Variants in PLAGL1 observed in about 807,000 individuals in gnomAD.
PLAGL1 encodes the protein PLAG1 like zinc finger 1, also known as zinc finger protein PLAGL1.
PLAGL1 carries 1 observed loss-of-function variant against 4.6 expected under a neutral mutation model. That is an observed-to-expected ratio of 0.22 (90% confidence interval 0.08 to 1.03). The LOEUF (loss-of-function observed/expected upper bound fraction) is 1.03. Ranked by LOEUF, PLAGL1 falls within the 50% of genes least tolerant of loss-of-function variation. The pLI is 0.58. For synonymous variants in PLAGL1, 240 were observed against 237.8 expected, an observed-to-expected ratio of 1.01 and a Z score of -0.08; for missense variants, 464 against 570.4, an observed-to-expected ratio of 0.81 and a Z score of 1.90.
At chr6:144,013,318 G>A (rs941848383), upstream of PLAGL1, among the ~76,000 whole-genome samples, 3 of 152,116 alleles carry the variant, frequency 2.0e-5, no homozygotes, top group Admixed American at 6.5e-5. This position sits in a 1 kb window ranked among gnomAD's most constrained non-coding sequence, Gnocchi z 4.4. Context: ...TACCACATGG[G>A]CAGACAATCA....
In PLAGL1 at chr6:143,968,299, A is replaced by G. The variant is rs568380770; in HGVS notation, c.-472+608T>C. On this transcript the variant is annotated intron_variant, in intron 3 of 7. Coordinates refer to ENST00000674357, the MANE Select transcript of PLAGL1 (RefSeq NM_001317162.2). The surrounding 1 kb of genome is among the most constrained non-coding windows in gnomAD (Gnocchi z 6.3). ...ACCCTGCCAACCATGAATTCCCTCA[A>G]ATAAACACTGGTTGAGTGACATAAC... is the stretch of plus-strand genomic sequence containing the variant. 1 of 152,208 alleles carries G rather than the reference A, an allele frequency of 6.6e-6. No individual in the cohort carries two copies. The highest frequency in any genetic ancestry group is 1.5e-5 in the Non-Finnish European group (1 of 68,040). The allele number at this position is 152,208 out of a possible 1,614,324, so 9.4% of individuals were successfully genotyped here.
rs1318558498 is a variant in PLAGL1, at chr6:144,063,867, C to T, written c.-151+601G>A. Among the ~76,000 whole-genome samples, 1 of 152,196 alleles carries T rather than the reference C, an allele frequency of 6.6e-6. No homozygotes were observed. The highest frequency in any genetic ancestry group is 1.5e-5 in the Non-Finnish European group (1 of 68,030). On this transcript the variant is annotated intron_variant, in intron 1 of 3. Coordinates refer to the PLAGL1 transcript ENST00000437412. The surrounding 1 kb of genome is among the most constrained non-coding windows in gnomAD (Gnocchi z 5.7). ...ATTATCCCGCGCGCCGCCGGTAATCCGGGGTGACGCCACGGCCCAGGTCTC... is the reference window on the plus strand; with the variant it reads ...ATTATCCCGCGCGCCGCCGGTAATCTGGGGTGACGCCACGGCCCAGGTCTC...
intron 1 of PLAGL1, among the ~76,000 whole-genome samples, chr6:144,029,829 G>A (rs1191098985): frequency 1.3e-5 from 2 of 152,132 alleles, no homozygotes; most frequent in African/African-American, 2.4e-5. Context: ...GTATAAACAC[G>A]TGCACTGTTT....
rs936550289 is a variant in PLAGL1 at position 143,949,574 on chromosome 6, G to A, written c.-324-1114C>T. On this transcript the variant is annotated intron_variant, in intron 6 of 7. Coordinates refer to ENST00000674357, the MANE Select transcript of PLAGL1 (RefSeq NM_001317162.2). The surrounding 1 kb of genome is among the most constrained non-coding windows in gnomAD (Gnocchi z 5.3). ...CCACTACCTGCCAGGGTAAAGCCCT[G>A]GATCACTACCACCCTGTGCTATTCT... Among the ~76,000 whole-genome samples, 4 of 152,162 alleles carry A rather than the reference G, an allele frequency of 2.6e-5. No individual in the cohort carries two copies. Among genetic ancestry groups the A allele is most frequent in the East Asian group, 1.9e-4 (1 of 5,196 alleles).
chr6:143,959,079 TGCTCTGC>T lies in PLAGL1; in HGVS notation c.-325+1383_-325+1389del, dbSNP rs1247650563. ...TCATCCGCAGGCAGCTTTCATGTGC[TGCTCTGC>T]GCTCCCCGTCGCCCCGGAGGCCGGC... On this transcript the variant is annotated intron_variant, in intron 6 of 7. Transcript: ENST00000674357. This position sits in a 1 kb window ranked among gnomAD's most constrained non-coding sequence, Gnocchi z 5.3. Among the ~76,000 whole-genome samples, 1 of 152,232 alleles carries T rather than the reference TGCTCTGC, an allele frequency of 6.6e-6. No individual in the cohort carries two copies. Among genetic ancestry groups the T allele is most frequent in the Non-Finnish European group, 1.5e-5 (1 of 68,022 alleles).
chr6:143,941,583 C>A lies in PLAGL1; in HGVS notation c.1233G>T (p.Leu411Phe). Reference protein sequence around the residue: ...STLALGPGESLPHRLSCLGQQ... With the variant: ...STLALGPGESFPHRLSCLGQQ... ...GCCCCAGACAGCTTAACCTGTGGGG[C>A]AAAGATTCCCCAGGCCCCAGGGCAA... is the stretch of plus-strand genomic sequence containing the variant. Residue 411 changes from leucine to phenylalanine, a missense_variant, in exon 8 of 8, where the codon TTG becomes TTT. Around this residue, in one of 4 missense-constraint regions of PLAGL1, gnomAD observed 248 missense variants for 250.1 expected, o/e 0.99. Coordinates refer to ENST00000674357, the MANE Select transcript of PLAGL1 (RefSeq NM_001317162.2). This position sits in a 1 kb window ranked among gnomAD's most constrained non-coding sequence, Gnocchi z 6.0. The A allele has an allele frequency of 6.2e-7, 1 of 1,606,258 alleles. No individual in the cohort carries two copies. The highest frequency in any genetic ancestry group is 1.7e-5 in the Admixed American group (1 of 59,568).
At chr6:143,991,552 C>T (rs1248195525) in intron 1 of PLAGL1, among the ~76,000 whole-genome samples, 1 of 152,202 alleles carries the variant, frequency 6.6e-6, no homozygotes, top group South Asian at 2.1e-4. Context: ...ACATTGCACT[C>T]GCTCAGCACT....
rs1045744488 is a variant in PLAGL1, at chr6:143,959,482, T to C, written c.-325+987A>G. Reference sequence around the variant, plus strand: ...GAACTGCTAGGTCCTAGTAGATATGTTGGCCCTGTTGGGATTAATTTCAAT... The same window carrying C: ...GAACTGCTAGGTCCTAGTAGATATGCTGGCCCTGTTGGGATTAATTTCAAT... On this transcript the variant is annotated intron_variant, in intron 6 of 7. Coordinates refer to ENST00000674357, the MANE Select transcript of PLAGL1 (RefSeq NM_001317162.2). The surrounding 1 kb of genome is among the most constrained non-coding windows in gnomAD (Gnocchi z 5.3). 5.9e-5 allele frequency among the ~76,000 whole-genome samples: 9 copies of C among 152,118 alleles called. No homozygotes were observed. The highest frequency in any genetic ancestry group is 1.2e-4 in the Non-Finnish European group (8 of 68,022).
rs182383104 is a variant in PLAGL1, at chr6:144,063,050, A to G, written c.-151+1418T>C. Among the ~76,000 whole-genome samples the G allele has an allele frequency of 4.4e-3, 673 of 152,286 alleles. 6 individuals carry two copies. The highest frequency in any genetic ancestry group is 0.015 in the African/African-American group (637 of 41,544). On this transcript the variant is annotated intron_variant, in intron 1 of 3. Coordinates refer to the PLAGL1 transcript ENST00000437412. This position sits in a 1 kb window ranked among gnomAD's most constrained non-coding sequence, Gnocchi z 5.7. ...GACAATTTTCTGAGTTACAGTTTACACCAACGTTGTCACAGAGTTGATCAC... is the reference window on the plus strand; with the variant it reads ...GACAATTTTCTGAGTTACAGTTTACGCCAACGTTGTCACAGAGTTGATCAC...
rs575161932 is a variant in PLAGL1, at chr6:144,006,983, T to C, written c.-584+1107A>G. 4 of 152,290 alleles carry C rather than the reference T, an allele frequency of 2.6e-5. No homozygotes were observed. Among genetic ancestry groups the C allele is most frequent in the African/African-American group, 9.6e-5 (4 of 41,568 alleles). 9.4% of individuals were successfully genotyped at this position (152,290 alleles called of 1,614,324 possible). On this transcript the variant is annotated intron_variant, in intron 1 of 7. Transcript: ENST00000674357. This position sits in a 1 kb window ranked among gnomAD's most constrained non-coding sequence, Gnocchi z 4.3. ...TTCTGATCATCCATTTAAATGACTT[T>C]ACGACCCACTAAAATGGACTTCAAA...
chr6:143,976,481 C>G (rs1038813089), intron 2 of PLAGL1, among the ~76,000 whole-genome samples: 1 of 151,910 alleles, frequency 6.6e-6, no homozygotes, highest in African/African-American at 2.4e-5. Context: ...ACCTAAGGCA[C>G]CTTCTCATTC....
At position 143,942,414 on chromosome 6, in the gene PLAGL1, C is replaced by A. The variant is rs763488544; in HGVS notation, c.402G>T (p.Val134=). The A allele has an allele frequency of 2.1e-5, 34 of 1,614,170 alleles. No homozygotes were observed. Among genetic ancestry groups the A allele is most frequent in the South Asian group, 2.0e-4 (18 of 91,088 alleles). Residue 134 remains valine (V), a synonymous_variant, in exon 8 of 8, where the codon GTG becomes GTT. Coordinates refer to ENST00000674357, the MANE Select transcript of PLAGL1 (RefSeq NM_001317162.2). This position sits in a 1 kb window ranked among gnomAD's most constrained non-coding sequence, Gnocchi z 7.6. ...CATGGGCTTTGAGGTGGTCCAGTAG[C>A]ACCTCGGTGCTCCCTAGCTCCAGGG... is the stretch of plus-strand genomic sequence containing the variant. ...VCALELGSTE[V]LLDHLKAHAE... is the part of the protein sequence containing the mutation.
chr6:143,999,220 T>A (rs958806559), intron 1 of PLAGL1, among the ~76,000 whole-genome samples: 7 of 152,128 alleles, frequency 4.6e-5, no homozygotes, highest in Non-Finnish European at 7.4e-5. Context: ...TTAAAAAAAA[T>A]GATCACTGAG....
chr6:144,045,859 C>T (rs1334127860), intron 1 of PLAGL1, among the ~76,000 whole-genome samples: 1 of 152,134 alleles, frequency 6.6e-6, no homozygotes, highest in Non-Finnish European at 1.5e-5. Context: ...TCACATAGTC[C>T]CATATTTCTT....
Position 143,984,075 on chromosome 6 carries a change from G to A in PLAGL1, c.-544+1060C>T, listed in dbSNP as rs568968548. On this transcript the variant is annotated intron_variant, in intron 2 of 7. Coordinates refer to ENST00000674357, the MANE Select transcript of PLAGL1 (RefSeq NM_001317162.2). This position sits in a 1 kb window ranked among gnomAD's most constrained non-coding sequence, Gnocchi z 5.5. Reference sequence around the variant, plus strand: ...TACTTTCCAGATTTTAAATTTTTATGTTGTCTTATAACTATATTTATAATA... The same window carrying A: ...TACTTTCCAGATTTTAAATTTTTATATTGTCTTATAACTATATTTATAATA... 6.6e-6 allele frequency among the ~76,000 whole-genome samples: 1 copy of A among 152,084 alleles called. No homozygotes were observed. Among genetic ancestry groups the A allele is most frequent in the African/African-American group, 2.4e-5 (1 of 41,424 alleles).
chr6:143,941,940 G>A lies in PLAGL1; in HGVS notation c.876C>T (p.Gly292=), dbSNP rs750070946. 3 of 1,607,612 alleles carry A rather than the reference G, an allele frequency of 1.9e-6. No homozygotes were observed. The highest frequency in any genetic ancestry group is 1.7e-5 in the Admixed American group (1 of 59,804). Residue 292 remains glycine (G), a synonymous_variant, in exon 8 of 8, where the codon GGC becomes GGT. Transcript: ENST00000674357. This position sits in a 1 kb window ranked among gnomAD's most constrained non-coding sequence, Gnocchi z 6.0. ...LASLHPSVSP[G]SPPPPLPNHK... ...GATTGGGAAGGGGTGGCGGAGGAGA[G>A]CCAGGGGATACCGAGGGGTGGAGGG...
rs1056252604 is a variant in PLAGL1 at position 143,949,965 on chromosome 6, G to A, written c.-324-1505C>T. 1.3e-5 allele frequency among the ~76,000 whole-genome samples: 2 copies of A among 152,064 alleles called. No individual in the cohort carries two copies. Among genetic ancestry groups the A allele is most frequent in the African/African-American group, 2.4e-5 (1 of 41,402 alleles). On this transcript the variant is annotated intron_variant, in intron 6 of 7. Transcript: ENST00000674357. The surrounding 1 kb of genome is among the most constrained non-coding windows in gnomAD (Gnocchi z 5.3). ...TTAAATATAGCATTATGTAGCACAC[G>A]GACATAACCAAACACATATTCCTTT...
chr6:144,000,146 TA>T lies in PLAGL1; in HGVS notation c.-584+7943del, dbSNP rs1792532150. On this transcript the variant is annotated intron_variant, in intron 1 of 7. Transcript: ENST00000674357. This position sits in a 1 kb window ranked among gnomAD's most constrained non-coding sequence, Gnocchi z 4.1. ...AGAACTAGAAGAAGAGAACTTTAAA[TA>T]TCCCGCAACAACATCACACTAAGCT... Among the ~76,000 whole-genome samples, 2 of 152,164 alleles carry T rather than the reference TA, an allele frequency of 1.3e-5. No homozygotes were observed.
chr6:143,955,392 G>T lies in PLAGL1; in HGVS notation c.-325+5077C>A, dbSNP rs1781911051. ...ATCGTGAAGGGTCCACTCTACAAGG[G>T]GAAGGTGGGCTTTTTTGTCATAAAT... On this transcript the variant is annotated intron_variant, in intron 6 of 7. Transcript: ENST00000674357. This position sits in a 1 kb window ranked among gnomAD's most constrained non-coding sequence, Gnocchi z 4.9. Among the ~76,000 whole-genome samples, 1 of 152,198 alleles carries T rather than the reference G, an allele frequency of 6.6e-6. No individual in the cohort carries two copies. Among genetic ancestry groups the T allele is most frequent in the African/African-American group, 2.4e-5 (1 of 41,454 alleles).
Sources: allele counts gnomAD v4.1 joint callset (sites outside exome capture counted in the v4.1 genomes callset), GRCh38; gene constraint gnomAD v4.1.1; regional missense constraint gnomAD v4.1.1; non-coding constraint Gnocchi (gnomAD v3.1); transcripts MANE v1.5; gene names NCBI Gene and HGNC (gene_info 2026-07-23, HGNC 2026-07-21).